Variants in MSI2 observed in about 807,000 individuals in gnomAD.
MSI2 encodes RNA-binding protein Musashi homolog 2.
A neutral mutation model predicts 45.6 loss-of-function variants in MSI2; 17 were observed. The ratio of observed to expected loss-of-function variants is 0.37; its 90% confidence interval spans 0.26 to 0.56. MSI2 has a LOEUF of 0.56. MSI2 is among the 20% of genes least tolerant of loss of function. The pLI is 0.77. For missense variants in MSI2, 293 were observed against 444.2 expected (o/e 0.66, Z 3.06); for synonymous variants, 156 against 158.2 (o/e 0.99, Z 0.11).
chr17:57,281,787 C>CA (rs1909445130), intron 5 of MSI2, among the ~76,000 whole-genome samples: 1 of 152,136 alleles, frequency 6.6e-6, no homozygotes. Context: ...TGGAGTAAAG[C>CA]AATCAGGTTG....
intron 6 of MSI2, among the ~76,000 whole-genome samples, chr17:57,405,097 A>G (rs1232320993): frequency 6.6e-6 from 1 of 151,678 alleles, no homozygotes; most frequent in Admixed American, 6.6e-5. Flanking sequence ...GGCAGCAGAT[A>G]CTCCAGGGCT....
chr17:57,593,099 C>T (rs1904979625), intron 7 of MSI2, among the ~76,000 whole-genome samples: 1 of 152,158 alleles, frequency 6.6e-6, no homozygotes, highest in Non-Finnish European at 1.5e-5. Flanking sequence ...GTGGCACTGA[C>T]TTCATGTTCT....
intron 7 of MSI2, among the ~76,000 whole-genome samples, chr17:57,566,798 T>C (rs1301296566): frequency 2.0e-5 from 3 of 151,996 alleles, no homozygotes; most frequent in South Asian, 2.1e-4. Flanking sequence ...TATGAAACAA[T>C]GTAAGGAGGA....
intron 6 of MSI2, among the ~76,000 whole-genome samples, chr17:57,418,123 G>C (rs1289661527): frequency 6.6e-6 from 1 of 152,210 alleles, no homozygotes; most frequent in East Asian, 1.9e-4. Context: ...TAGCACAAAA[G>C]CAGCCATAGA....
intron 6 of MSI2, among the ~76,000 whole-genome samples, chr17:57,527,440 T>C (rs1458120047): frequency 2.0e-5 from 3 of 146,466 alleles, no homozygotes; most frequent in Non-Finnish European, 4.5e-5. Flanking sequence ...GGCTGTTGTG[T>C]GTGTGGCCCC....
intron 5 of MSI2, among the ~76,000 whole-genome samples, chr17:57,372,892 A>G (rs1288057383): frequency 2.6e-5 from 4 of 152,098 alleles, no homozygotes; most frequent in African/African-American, 9.7e-5. Context: ...GATCGATCGT[A>G]TTGATTAATT....
intron 5 of MSI2, among the ~76,000 whole-genome samples, chr17:57,361,606 CAA>C (rs34432170): frequency 9.8e-4 from 70 of 71,660 alleles, no homozygotes; most frequent in Admixed American, 1.3e-3. Flanking sequence ...GACCTTGTCT[CAA>C]AAAAAAAAAA....
chr17:57,506,546 G>A (rs772735867), intron 6 of MSI2, among the ~76,000 whole-genome samples: 10 of 152,104 alleles, frequency 6.6e-5, no homozygotes, highest in Non-Finnish European at 1.0e-4. Flanking sequence ...GGGAACGTTC[G>A]CAGTCATCTC....
chr17:57,328,508 T>G (rs1235690638), intron 5 of MSI2, among the ~76,000 whole-genome samples: 1 of 152,238 alleles, frequency 6.6e-6, no homozygotes, highest in Non-Finnish European at 1.5e-5. Context: ...ACATTATACA[T>G]TTAGATCACA....
chr17:57,521,075 T>C (rs551565941), intron 6 of MSI2, among the ~76,000 whole-genome samples: 24 of 152,280 alleles, frequency 1.6e-4, no homozygotes, highest in Non-Finnish European at 2.8e-4. Context: ...TTTTTTGACA[T>C]TTGGAATGAA....
downstream of MSI2, among the ~76,000 whole-genome samples, chr17:57,686,938 A>G (rs1448501779): frequency 6.6e-6 from 1 of 152,148 alleles, no homozygotes; most frequent in Non-Finnish European, 1.5e-5. Flanking sequence ...GGCTCTTCGA[A>G]TAGAGTTTGC....
intron 8 of MSI2, among the ~76,000 whole-genome samples, chr17:57,605,506 T>TC (rs970192837): frequency 3.3e-5 from 5 of 152,048 alleles, no homozygotes; most frequent in Admixed American, 3.3e-4. Context: ...GCCACCAGCG[T>TC]CCCCGTACTC....
At chr17:57,619,623 A>G (rs1598460333) in intron 9 of MSI2, among the ~76,000 whole-genome samples, 2 of 152,208 alleles carry the variant, frequency 1.3e-5, no homozygotes, top group African/African-American at 2.4e-5. Context: ...GGGGAGAGGC[A>G]GGCCCAGGGG....
At chr17:57,288,740 G>T (rs1272810475) in intron 5 of MSI2, among the ~76,000 whole-genome samples, 1 of 152,166 alleles carries the variant, frequency 6.6e-6, no homozygotes, top group Non-Finnish European at 1.5e-5. Flanking sequence ...GAGTGTGAGC[G>T]TTTGATTACC....
intron 5 of MSI2, among the ~76,000 whole-genome samples, chr17:57,287,000 G>T (rs1193899953): frequency 1.3e-5 from 2 of 152,014 alleles, no homozygotes; most frequent in Non-Finnish European, 2.9e-5. Context: ...GAGGCAACTG[G>T]CTCGCGCCGC....
intron 7 of MSI2, among the ~76,000 whole-genome samples, chr17:57,564,045 C>G (rs2087665934): frequency 6.6e-6 from 1 of 152,194 alleles, no homozygotes; most frequent in African/African-American, 2.4e-5. Flanking sequence ...TGGCCAGCCC[C>G]CTGCACGTGT....
At chr17:57,452,676 G>T (rs141307329) in intron 6 of MSI2, among the ~76,000 whole-genome samples, 10 of 152,316 alleles carry the variant, frequency 6.6e-5, no homozygotes, top group African/African-American at 2.2e-4. Context: ...AAGAGAGAAG[G>T]CCTGAATTCT....
In MSI2 at chr17:57,551,465, G is replaced by C. The variant is rs116964407; in HGVS notation, c.454+21741G>C. On this transcript the variant is annotated intron_variant, in intron 7 of 13. Transcript: ENST00000284073. ...GGGTGGAGAAGGCACACAGACCGCC[G>C]TCTGGGATGAGGTTGCTATTGGATT... Among the ~76,000 whole-genome samples, 1,009 of 152,246 alleles carry C rather than the reference G, an allele frequency of 6.6e-3. 5 individuals are homozygous for C. The highest frequency in any genetic ancestry group is 0.02 in the Middle Eastern group (6 of 294).
intron 6 of MSI2, among the ~76,000 whole-genome samples, chr17:57,487,012 A>G (rs2085767602): frequency 6.6e-6 from 1 of 152,186 alleles, no homozygotes; most frequent in African/African-American, 2.4e-5. Flanking sequence ...AACCCAGCCA[A>G]GTAGGGAGGG....
Sources: allele counts gnomAD v4.1 joint callset (sites outside exome capture counted in the v4.1 genomes callset), GRCh38; gene constraint gnomAD v4.1.1; transcripts MANE v1.5; gene names NCBI Gene and HGNC (gene_info 2026-07-23, HGNC 2026-07-21).